Variants in CEP72 observed in about 807,000 individuals in gnomAD.
CEP72 encodes centrosomal protein of 72 kDa.
Under a neutral mutation model 65.7 loss-of-function variants are expected in CEP72, and 78 were observed. The observed-to-expected ratio is 1.19, with a 90% CI of 0.99 to 1.43. The LOEUF (loss-of-function observed/expected upper bound fraction) is 1.43, where lower values mean the gene tolerates loss of function less well. CEP72 is among the 40% of genes most tolerant of loss of function. CEP72 has a pLI of 0.00. For synonymous variants in CEP72, 358 were observed against 351.7 expected (o/e 1.02, Z -0.20); for missense variants, 914 against 832.9 (o/e 1.10, Z -1.20).
intron 2 of CEP72, 91 bp downstream of exon 2, chr5:619,208 T>A: frequency 8.4e-7 from 1 of 1,193,714 alleles, no homozygotes. Context: ...TTTGTAACCC[T>A]CTGCTTACAT....
At chr5:629,890 G>A (rs1159339054) in intron 4 of CEP72, among the ~76,000 whole-genome samples, 3 of 79,044 alleles carry the variant, frequency 3.8e-5, no homozygotes, top group Admixed American at 1.2e-4. Flanking sequence ...CCGGGATTTG[G>A]CCCAGTCCTG....
At chr5:672,276 C>T in the CEP72 span, among the ~76,000 whole-genome samples, 1 of 151,228 alleles carries the variant, frequency 6.6e-6, no homozygotes, top group East Asian at 1.9e-4. Context: ...GGGAGCCTGG[C>T]CCTGCTGTTC....
rs757084256 is a variant in CEP72, at chr5:653,161, CGA to C, written c.*11_*12del. 1 of 1,592,472 alleles carries C rather than the reference CGA, an allele frequency of 6.3e-7. No homozygotes were observed. Among genetic ancestry groups the C allele is most frequent in the South Asian group, 1.1e-5 (1 of 88,650 alleles). Reference sequence around the variant, plus strand: ...GGCTGCCAGGCCTGCTGACTCCTGCCGAGAAGCTGGGCCACCCCTTAAGCTTC... The same window carrying C: ...GGCTGCCAGGCCTGCTGACTCCTGCCGAAGCTGGGCCACCCCTTAAGCTTC... On this transcript the variant is annotated 3_prime_UTR_variant, in exon 12 of 12. Coordinates refer to ENST00000264935, the MANE Select transcript of CEP72 (RefSeq NM_018140.4).
chr5:618,293 A>G (rs1394515623), intron 1 of CEP72, among the ~76,000 whole-genome samples: 6 of 152,204 alleles, frequency 3.9e-5, no homozygotes, highest in Non-Finnish European at 8.8e-5. Context: ...TTCCAACTCC[A>G]AAGGAGTTGC....
chr5:644,181 C>A (rs550459876), intron 9 of CEP72, 118 bp from the exon 10 acceptor site: 9 of 1,140,230 alleles, frequency 7.9e-6, no homozygotes, highest in East Asian at 7.1e-5. Flanking sequence ...CCTTTCACAT[C>A]GTGACTCCCA....
At chr5:628,735 C>T (rs796617113) in intron 4 of CEP72, among the ~76,000 whole-genome samples, 107 of 122,288 alleles carry the variant, frequency 8.7e-4, no homozygotes, top group East Asian at 3.9e-3. Flanking sequence ...TGTGCAGCTT[C>T]TGGAGAACTC....
chr5:666,542 A>G (rs1739923183), intron 4 of CEP72, among the ~76,000 whole-genome samples: 1 of 152,184 alleles, frequency 6.6e-6, no homozygotes, highest in Non-Finnish European at 1.5e-5. Context: ...TCCCCCACAC[A>G]GGAACATGGT....
At chr5:665,055 T>A in intron 2 of CEP72, 1 of 1,575,840 alleles carries the variant, frequency 6.3e-7, no homozygotes, top group Non-Finnish European at 8.6e-7. Flanking sequence ...GGTGACAGAG[T>A]CCCTGCTCTG....
At chr5:665,104 A>G in intron 2 of CEP72, 3 of 1,609,666 alleles carry the variant, frequency 1.9e-6, no homozygotes, top group Non-Finnish European at 2.5e-6. Flanking sequence ...AGCGGGGGCT[A>G]CTTGCCCCCT....
At chr5:636,740 G>T (rs1372981987) in intron 6 of CEP72, among the ~76,000 whole-genome samples, 4 of 151,250 alleles carry the variant, frequency 2.6e-5, no homozygotes, top group East Asian at 3.9e-4. Flanking sequence ...AACCTGGGAG[G>T]TGGAGGTTGC....
chr5:659,682 G>A (rs571248738), downstream of CEP72, among the ~76,000 whole-genome samples: 4 of 152,134 alleles, frequency 2.6e-5, no homozygotes, highest in Non-Finnish European at 5.9e-5. Context: ...CCTCCTTCAC[G>A]GTCCTCCTGT....
intron 4 of CEP72, among the ~76,000 whole-genome samples, chr5:628,782 CCCCCTTCTTT>C (rs1736980428): frequency 7.7e-6 from 1 of 129,682 alleles, no homozygotes; most frequent in South Asian, 2.2e-4. Context: ...CACGACCCAG[CCCCCTTCTTT>C]GTGCAGCTTC....
rs1292237682 is a variant in CEP72, at chr5:624,240, C to T, written c.404-231C>T. Among the ~76,000 whole-genome samples the T allele has an allele frequency of 6.6e-6, 1 of 152,156 alleles. No individual in the cohort carries two copies. The highest frequency in any genetic ancestry group is 6.5e-5 in the Admixed American group (1 of 15,278). ...TGTGTGTGTGAGCCTCATCTGTGTG[C>T]GGCTGCTCCCGTGCGCAGCAGTGAG... On this transcript the variant is annotated intron_variant, in intron 3 of 11. Coordinates refer to ENST00000264935, the MANE Select transcript of CEP72 (RefSeq NM_018140.4). This position sits in a 1 kb window ranked among gnomAD's most constrained non-coding sequence, Gnocchi z 4.7.
chr5:629,114 G>T (rs1257578798), intron 4 of CEP72, among the ~76,000 whole-genome samples: 1 of 152,244 alleles, frequency 6.6e-6, no homozygotes, highest in African/African-American at 2.4e-5. Context: ...CTGCCCTTGG[G>T]TTTGTTTTGT....
At chr5:625,652 A>C (rs1736706351) in intron 4 of CEP72, among the ~76,000 whole-genome samples, 1 of 151,884 alleles carries the variant, frequency 6.6e-6, no homozygotes, top group Non-Finnish European at 1.5e-5. Context: ...AGCCCCCATC[A>C]CCCCATTTCA....
intron 9 of CEP72, chr5:642,693 C>T (rs1451180084): frequency 4.1e-6 from 4 of 985,330 alleles, no homozygotes; most frequent in South Asian, 4.7e-5. Flanking sequence ...AGCCCTGGTT[C>T]CCTGTCAGGG....
chr5:628,571 CAGG>C (rs1411718546), intron 4 of CEP72, among the ~76,000 whole-genome samples: 48 of 141,862 alleles, frequency 3.4e-4, no homozygotes, highest in Middle Eastern at 3.9e-3. Context: ...GGAGTGTTCC[CAGG>C]ACCCAGCCCC....
At chr5:648,188 G>A (rs1437727670) in intron 11 of CEP72, among the ~76,000 whole-genome samples, 1 of 152,162 alleles carries the variant, frequency 6.6e-6, no homozygotes, top group Admixed American at 6.5e-5. Flanking sequence ...CATGAGGTGT[G>A]ACCACGAGGC....
Position 624,627 on chromosome 5 carries a change from G to C in CEP72, c.512+48G>C. 5 of 1,296,056 alleles carry C rather than the reference G, an allele frequency of 3.9e-6. No individual in the cohort carries two copies. Among genetic ancestry groups the C allele is most frequent in the Non-Finnish European group, 5.6e-6 (5 of 890,288 alleles). The allele number at this position is 1,296,056 out of a possible 1,614,324, so 80.3% of individuals were successfully genotyped here. On this transcript the variant is annotated intron_variant, in intron 4 of 11. Transcript: ENST00000264935. The surrounding 1 kb of genome is among the most constrained non-coding windows in gnomAD (Gnocchi z 4.7). ...CACCCAGAGTGTTTCTGACTGGCCT[G>C]CTGTCAGGAGGATTAACCGAACGTC...
Sources: gnomAD v4.1 joint callset for allele counts (sites outside exome capture counted in the v4.1 genomes callset) on GRCh38, gnomAD v4.1.1 for gene constraint, Gnocchi (gnomAD v3.1) non-coding constraint, MANE v1.5 for transcripts, NCBI Gene and HGNC (gene_info 2026-07-23, HGNC 2026-07-21) for gene names.